AEBP2: variants seen among roughly 807,000 people sequenced by gnomAD.
The protein encoded by AEBP2 is AE binding protein 2, also known as zinc finger protein AEBP2.
A neutral mutation model predicts 50.8 loss-of-function variants in AEBP2; 10 were observed. The observed-to-expected ratio is 0.20, with a 90% CI of 0.12 to 0.33. The LOEUF (loss-of-function observed/expected upper bound fraction) is 0.33. Among genes scored for constraint, AEBP2 ranks in the 10% least tolerant of loss-of-function variants. AEBP2 has a pLI of 1.00. For synonymous variants in AEBP2, 296 were observed against 261.3 expected, an observed-to-expected ratio of 1.13 and a Z score of -1.28; for missense variants, 570 against 688.0, an observed-to-expected ratio of 0.83 and a Z score of 1.92.
rs548106849 is a variant in AEBP2, at chr12:19,443,489, C to T, written c.671+3119C>T. Among the ~76,000 whole-genome samples the T allele has an allele frequency of 8.0e-5, 12 of 150,940 alleles. No homozygotes were observed. The South Asian group carries it at 2.4e-3, about 30-fold the overall frequency. On this transcript the variant is annotated intron_variant, in intron 1 of 7. Coordinates refer to ENST00000266508, the MANE Select transcript of AEBP2 (RefSeq NM_153207.5). The stretch of plus-strand genomic sequence containing the variant: ...ATCCCAGCACTTTGGGAGGCCGAGT[C>T]GGGTGGATCATTTGAGGTCAAGGAA...
At chr12:19,497,691 C>T (rs1949008318) in intron 4 of AEBP2, among the ~76,000 whole-genome samples, 1 of 152,094 alleles carries the variant, frequency 6.6e-6, no homozygotes, top group Non-Finnish European at 1.5e-5. Flanking sequence ...CACCAAGTCT[C>T]AAACTCCTGG....
intron 2 of AEBP2, among the ~76,000 whole-genome samples, chr12:19,467,214 CT>C (rs59718824): frequency 4.6e-5 from 7 of 151,072 alleles, no homozygotes; most frequent in African/African-American, 1.5e-4. Flanking sequence ...ACCAATACAC[CT>C]TTTTTTTTAA....
intron 1 of AEBP2, among the ~76,000 whole-genome samples, chr12:19,429,420 T>C (rs1371228998): frequency 3.3e-5 from 5 of 152,190 alleles, no homozygotes; most frequent in Non-Finnish European, 5.9e-5. Flanking sequence ...CTATTGTGAA[T>C]AGTGCCGCAA....
chr12:19,431,010 T>TAAA (rs34747616), intron 1 of AEBP2, among the ~76,000 whole-genome samples: 9 of 135,972 alleles, frequency 6.6e-5, no homozygotes, highest in Admixed American at 3.1e-4. Flanking sequence ...AGACCCTGTC[T>TAAA]AAAAAAAAAA....
intron 1 of AEBP2, among the ~76,000 whole-genome samples, chr12:19,431,243 C>T (rs2095751276): frequency 6.6e-6 from 1 of 152,126 alleles, no homozygotes; most frequent in East Asian, 1.9e-4. Context: ...ATCCAGACTG[C>T]TGATAGACTT....
upstream of AEBP2, among the ~76,000 whole-genome samples, chr12:19,438,952 T>G (rs555111043): frequency 6.6e-6 from 1 of 152,196 alleles, no homozygotes; most frequent in Non-Finnish European, 1.5e-5. Flanking sequence ...TATAAGAACA[T>G]ACACAGCTTT....
intron 1 of AEBP2, among the ~76,000 whole-genome samples, chr12:19,412,357 A>G (rs2095739752): frequency 6.6e-6 from 1 of 152,024 alleles, no homozygotes; most frequent in South Asian, 2.1e-4. Flanking sequence ...AGTTCACTAC[A>G]ACCTCCACCT....
chr12:19,414,417 C>A (rs1219919798), intron 1 of AEBP2, among the ~76,000 whole-genome samples: 1 of 152,156 alleles, frequency 6.6e-6, no homozygotes, highest in Non-Finnish European at 1.5e-5. Context: ...ATCTCAAAAT[C>A]AGTGGGCTTT....
intron 1 of AEBP2, among the ~76,000 whole-genome samples, chr12:19,428,820 A>T (rs562713523): frequency 1.3e-3 from 205 of 152,266 alleles, no homozygotes; most frequent in African/African-American, 4.8e-3. Context: ...TCTCAAAAAA[A>T]AAAAAGGAAA....
chr12:19,414,590 T>G (rs2095741223), intron 1 of AEBP2, among the ~76,000 whole-genome samples: 1 of 152,092 alleles, frequency 6.6e-6, no homozygotes, highest in South Asian at 2.1e-4. Context: ...GGCGATGTCT[T>G]TTTCCATTTT....
intron 7 of AEBP2, among the ~76,000 whole-genome samples, chr12:19,516,310 A>C (rs1012022987): frequency 3.9e-5 from 6 of 152,230 alleles, no homozygotes; most frequent in African/African-American, 1.4e-4. Flanking sequence ...CTTTGGAGAG[A>C]TGAATTAAAA....
chr12:19,502,796 G>A (rs1949102600), intron 5 of AEBP2, among the ~76,000 whole-genome samples: 1 of 151,982 alleles, frequency 6.6e-6, no homozygotes, highest in Non-Finnish European at 1.5e-5. Flanking sequence ...TTACAGGCGT[G>A]TACCACCACG....
chr12:19,448,052 C>T (rs1046204173), intron 1 of AEBP2, among the ~76,000 whole-genome samples: 1 of 152,098 alleles, frequency 6.6e-6, no homozygotes, highest in African/African-American at 2.4e-5. Flanking sequence ...TAAAAATCAC[C>T]ATATTTCTTT....
At chr12:19,464,662 C>T (rs1277722405) in intron 2 of AEBP2, among the ~76,000 whole-genome samples, 1 of 151,738 alleles carries the variant, frequency 6.6e-6, no homozygotes, top group Non-Finnish European at 1.5e-5. Context: ...TCTCAGCTCA[C>T]TGCAACCTCT....
intron 2 of AEBP2, among the ~76,000 whole-genome samples, chr12:19,466,221 T>C (rs1357408066): frequency 2.4e-4 from 37 of 152,108 alleles, no homozygotes; most frequent in Admixed American, 2.4e-3. Flanking sequence ...CCCAGCACTT[T>C]GGAAAGCTGA....
At chr12:19,457,483 A>C (rs911626025) in intron 1 of AEBP2, 3 of 1,504,432 alleles carry the variant, frequency 2.0e-6, no homozygotes, top group Non-Finnish European at 2.7e-6. Flanking sequence ...ACCCAGGCCT[A>C]CTTGAAGGAG....
intron 1 of AEBP2, among the ~76,000 whole-genome samples, chr12:19,429,848 T>C (rs2095750549): frequency 6.6e-6 from 1 of 152,242 alleles, no homozygotes; most frequent in East Asian, 1.9e-4. Context: ...TGTAAATTTG[T>C]TTGAGTTCAT....
Position 19,440,625 on chromosome 12 carries a change from C to G in AEBP2, c.671+255C>G, listed in dbSNP as rs1947938571. 4 of 1,501,130 alleles carry G rather than the reference C, an allele frequency of 2.7e-6. No individual in the cohort carries two copies. The East Asian group carries it at 1.0e-4, about 37-fold the overall frequency. 93.0% of individuals were successfully genotyped at this position (1,501,130 alleles called of 1,614,324 possible). A position where few individuals can be genotyped will look rare whatever the true frequency, so the allele number is the denominator to read the frequency against. On this transcript the variant is annotated intron_variant, in intron 1 of 7. Coordinates refer to ENST00000266508, the MANE Select transcript of AEBP2 (RefSeq NM_153207.5). ...TCTTTCCCCTCGGCGCTTCGCTCCT[C>G]ACGGACCTCAGGACGGCTCTAACTC...
At chr12:19,457,444 G>A (rs1392951970) in intron 1 of AEBP2, 8 of 1,521,122 alleles carry the variant, frequency 5.3e-6, no homozygotes, top group African/African-American at 1.4e-5. Flanking sequence ...GTGATACCAC[G>A]TTCACGCTCA....
Sources: gnomAD v4.1 joint callset for allele counts (sites outside exome capture counted in the v4.1 genomes callset) on GRCh38, gnomAD v4.1.1 for gene constraint, MANE v1.5 for transcripts, NCBI Gene and HGNC (gene_info 2026-07-23, HGNC 2026-07-21) for gene names.